The following ANKRD24 variants were observed in gnomAD, a reference collection of about 807,000 sequenced individuals.
ANKRD24 encodes the protein ankyrin repeat domain 24, also known as ankyrin repeat domain-containing protein 24.
ANKRD24 carries 109 observed loss-of-function variants against 127.8 expected under a neutral mutation model. The observed-to-expected ratio is 0.85, with a 90% CI of 0.73 to 1.00. The LOEUF (loss-of-function observed/expected upper bound fraction) is 1.00, where lower values mean the gene tolerates loss of function less well. ANKRD24 is among the 50% of genes least tolerant of loss of function. The pLI, the probability that ANKRD24 is intolerant of heterozygous loss-of-function variation, is 0.00. For synonymous variants in ANKRD24, 743 were observed against 671.1 expected, an observed-to-expected ratio of 1.11 and a Z score of -1.66; for missense variants, 1,648 against 1,570.2, an observed-to-expected ratio of 1.05 and a Z score of -0.84.
chr19:4,207,668 C>T lies in ANKRD24; in HGVS notation c.644+61C>T, dbSNP rs915550225. 4 of 1,603,448 alleles carry T rather than the reference C, an allele frequency of 2.5e-6. No homozygotes were observed. The African/African-American group carries it at 5.4e-5, about 21-fold the overall frequency. ...CTGTGTGACCTTCGGCAAGACTTAA[C>T]CTAAGTAAGACGATCTAGCCAGCCT... On this transcript the variant is annotated intron_variant, in intron 9 of 21. Transcript: ENST00000318934.
intron 7 of ANKRD24, among the ~76,000 whole-genome samples, chr19:4,206,449 C>T (rs991517729): frequency 1.5e-4 from 23 of 151,266 alleles, no homozygotes; most frequent in African/African-American, 5.3e-4. Context: ...GACCCTGTCT[C>T]TAAAAAAATA....
At chr19:4,204,597 G>A (rs1191881702) in intron 7 of ANKRD24, among the ~76,000 whole-genome samples, 8 of 152,124 alleles carry the variant, frequency 5.3e-5, no homozygotes, top group Admixed American at 2.0e-4. Flanking sequence ...CCAGAGGGAG[G>A]GAAAGGGACC....
In ANKRD24 at chr19:4,193,845, G is replaced by GAGGGAGGGAGGGAGGGAGAGAAGGA. The variant is rs573649233; in HGVS notation, c.37-5835_37-5834insGAGGGAGGGAGGGAGAGAAGGAAGG. Among the ~76,000 whole-genome samples the GAGGGAGGGAGGGAGGGAGAGAAGGA allele has an allele frequency of 7.4e-5, 3 of 40,590 alleles. 1 individual carries two copies. The Admixed American group carries it at 8.7e-4, about 12-fold the overall frequency. The allele number at this position is 40,590 out of a possible 152,430, so 26.6% of individuals were successfully genotyped here. ...GAGCGAGACTCCGTCGGGAGGGAGG[G>GAGGGAGGGAGGGAGGGAGAGAAGGA]AGGAAGGAAGGAAGGAAGGAAGGAA... On this transcript the variant is annotated intron_variant, in intron 2 of 21. Coordinates refer to ENST00000318934, the MANE Select transcript of ANKRD24 (RefSeq NM_001393985.1).
chr19:4,209,676 C>CT (rs1969595565), intron 11 of ANKRD24, among the ~76,000 whole-genome samples: 1 of 152,046 alleles, frequency 6.6e-6, no homozygotes, highest in African/African-American at 2.4e-5. Flanking sequence ...TGCTCTCGAA[C>CT]TCCTGACCTC....
rs1480792608 is a variant in ANKRD24, at chr19:4,217,515, A to T, written c.2355A>T (p.Thr785=). ...GASGGGGGDT[T]QLRAALEQAR... ...GCGGGGGCGGTGGCGGTGACACCAC[A>T]CAGCTGCGGGCGGCCCTGGAGCAGG... is the stretch of plus-strand genomic sequence containing the variant. Residue 785 remains threonine, a synonymous_variant, in exon 18 of 22, where the codon ACA becomes ACT. Coordinates refer to ENST00000318934, the MANE Select transcript of ANKRD24 (RefSeq NM_001393985.1). 7.3e-7 allele frequency: 1 copy of T among 1,377,346 alleles called. No individual in the cohort carries two copies. Among genetic ancestry groups the T allele is most frequent in the Non-Finnish European group, 9.3e-7 (1 of 1,072,148 alleles). 85.3% of individuals were successfully genotyped at this position (1,377,346 alleles called of 1,614,324 possible).
chr19:4,190,223 C>G (rs1222959043), intron 2 of ANKRD24, among the ~76,000 whole-genome samples: 1 of 151,264 alleles, frequency 6.6e-6, no homozygotes, highest in East Asian at 1.9e-4. Context: ...GTCACGAGGT[C>G]AGGAGATCGA....
Position 4,186,103 on chromosome 19 carries a change from A to G in ANKRD24, c.-36-287A>G, listed in dbSNP as rs117570947. Among the ~76,000 whole-genome samples, 199 of 152,282 alleles carry G rather than the reference A, an allele frequency of 1.3e-3. 3 individuals are homozygous for G. The East Asian group carries it at 0.025, about 20-fold the overall frequency. On this transcript the variant is annotated intron_variant, in intron 1 of 21. Transcript: ENST00000318934. ...GTGAGATGCATTTATGAAGCCCCTC[A>G]TGTTTGGCCAGGCTCTGTGTAGGGA...
chr19:4,193,866 A>AGGAT (rs1968543070), intron 2 of ANKRD24, among the ~76,000 whole-genome samples: 30 of 127,524 alleles, frequency 2.4e-4, no homozygotes, highest in African/African-American at 3.5e-4. Flanking sequence ...GAAGGAAGGA[A>AGGAT]GGAAGGAAGG....
At chr19:4,184,286 C>T (rs963824167) in intron 1 of ANKRD24, among the ~76,000 whole-genome samples, 10 of 152,132 alleles carry the variant, frequency 6.6e-5, no homozygotes, top group East Asian at 1.9e-4. Flanking sequence ...GCCGGGAGCT[C>T]GGGGCACTGG....
chr19:4,209,342 A>G (rs763240672), intron 11 of ANKRD24, among the ~76,000 whole-genome samples: 1 of 151,782 alleles, frequency 6.6e-6, no homozygotes, highest in African/African-American at 2.4e-5. Flanking sequence ...TCCTGGCCTC[A>G]AGTGACCCAC....
chr19:4,205,872 G>A (rs187448408), intron 7 of ANKRD24, among the ~76,000 whole-genome samples: 1 of 151,864 alleles, frequency 6.6e-6, no homozygotes. Flanking sequence ...GTCGGGTGCG[G>A]TGGCTCACGC....
Position 4,216,372 on chromosome 19 carries a change from A to C in ANKRD24, c.1359A>C (p.Arg453Ser). Reference sequence around the variant, plus strand: ...AGGAACAGGTGGCTGTGCTCACCAGACAGAACCAGGAACTGATGGAGAAGG... The same window carrying C: ...AGGAACAGGTGGCTGTGCTCACCAGCCAGAACCAGGAACTGATGGAGAAGG... Reference protein sequence around the residue: ...SLQEQVAVLTRQNQELMEKVQ... With the variant: ...SLQEQVAVLTSQNQELMEKVQ... The change falls in exon 17 of 22, where the codon AGA (arginine) becomes AGC (serine). Residue 453 changes from arginine to serine, a missense_variant. By Grantham distance (110) the Arg-to-Ser change is moderately radical. Transcript: ENST00000318934. The C allele has an allele frequency of 6.4e-7, 1 of 1,573,640 alleles. No homozygotes were observed. The highest frequency in any genetic ancestry group is 8.6e-7 in the Non-Finnish European group (1 of 1,159,736).
chr19:4,203,637 C>CCGTGCTGGCCCTT (rs1969219837), intron 7 of ANKRD24, among the ~76,000 whole-genome samples: 1 of 152,086 alleles, frequency 6.6e-6, no homozygotes, highest in Non-Finnish European at 1.5e-5. Flanking sequence ...GCGTGAGCCA[C>CCGTGCTGGCCCTT]CTCACCTAGC....
chr19:4,189,321 C>G, intron 2 of ANKRD24, among the ~76,000 whole-genome samples: 1 of 138,990 alleles, frequency 7.2e-6, no homozygotes, highest in Non-Finnish European at 1.5e-5. Context: ...TCTTGGCTCA[C>G]TGCAAGCTCC....
In ANKRD24 at chr19:4,210,363, G is replaced by T; in HGVS notation, c.1050G>T (p.Arg350Ser). The T allele has an allele frequency of 6.4e-7, 1 of 1,559,272 alleles. No individual in the cohort carries two copies. The highest frequency in any genetic ancestry group is 1.2e-5 in the South Asian group (1 of 84,334). The change falls in exon 13 of 22, where the codon AGG becomes AGT. Residue 350 changes from arginine to serine, a missense_variant. Arg to Ser is a moderately radical substitution (Grantham distance 110). Coordinates refer to ENST00000318934, the MANE Select transcript of ANKRD24 (RefSeq NM_001393985.1). The part of the protein sequence containing the change: ...IRGLEQHKER[R>S]QQESPEASSL... ...GCCTGGAACAGCACAAGGAACGGAG[G>T]CAGCAGGAGGTTAGGAGGCCTCGGA...
rs1306745594 is a variant in ANKRD24 at position 4,217,543 on chromosome 19, C to T, written c.2383C>T (p.Arg795Trp). 2 of 1,326,324 alleles carry T rather than the reference C, an allele frequency of 1.5e-6. No homozygotes were observed. Among genetic ancestry groups the T allele is most frequent in the Non-Finnish European group, 1.9e-6 (2 of 1,042,908 alleles). The allele number at this position is 1,326,324 out of a possible 1,614,324, so 82.2% of individuals were successfully genotyped here. A position where few individuals can be genotyped will look rare whatever the true frequency, so the allele number is the denominator to read the frequency against. ...GCTGCGGGCGGCCCTGGAGCAGGCC[C>T]GGGAGGACCTCCGAGACCGGGACTC... ...TQLRAALEQA[R>W]EDLRDRDSRL... Residue 795 changes from arginine to tryptophan, a missense_variant, in exon 18 of 22, where the codon CGG (arginine) becomes TGG (tryptophan). Arg to Trp is a moderately radical substitution (Grantham distance 101). Transcript: ENST00000318934.
Position 4,224,560 on chromosome 19 carries a change from C to T in ANKRD24, c.*55C>T. On this transcript the variant is annotated 3_prime_UTR_variant, in exon 22 of 22. Coordinates refer to ENST00000318934, the MANE Select transcript of ANKRD24 (RefSeq NM_001393985.1). ...CACACCCACGCAGGGACCTCACCCC[C>T]CTGCAGGCCCCTTGCAGACCGGCTT... 6 of 1,501,688 alleles carry T rather than the reference C, an allele frequency of 4.0e-6. No homozygotes were observed. The highest frequency in any genetic ancestry group is 5.5e-6 in the Non-Finnish European group (6 of 1,099,084). The allele number at this position is 1,501,688 out of a possible 1,614,324, so 93.0% of individuals were successfully genotyped here.
At position 4,217,339 on chromosome 19, in the gene ANKRD24, A is replaced by G. The variant is rs1970160914; in HGVS notation, c.2179A>G (p.Thr727Ala). 1 of 1,551,570 alleles carries G rather than the reference A, an allele frequency of 6.4e-7. No individual in the cohort carries two copies. Among genetic ancestry groups the G allele is most frequent in the African/African-American group, 1.4e-5 (1 of 73,176 alleles). The change falls in exon 18 of 22, where the codon ACC becomes GCC. Residue 727 changes from threonine to alanine, a missense_variant. Transcript: ENST00000318934. ...ASEKLQVELE[T>A]RIRGLEEALR... ...GGAAAAGCTTCAAGTAGAGCTGGAGACCAGGATCCGTGGCTTGGAGGAGGC... is the reference window on the plus strand; with the variant it reads ...GGAAAAGCTTCAAGTAGAGCTGGAGGCCAGGATCCGTGGCTTGGAGGAGGC...
chr19:4,210,014 C>G (rs747039705), intron 11 of ANKRD24, 44 bp from the exon 12 acceptor site: 1 of 1,183,340 alleles, frequency 8.5e-7, no homozygotes, highest in South Asian at 1.3e-5. Context: ...GCTGGCATGG[C>G]CCCCCGATCG....
Sources: allele counts gnomAD v4.1 joint callset (sites outside exome capture counted in the v4.1 genomes callset), GRCh38; gene constraint gnomAD v4.1.1; transcripts MANE v1.5; gene names NCBI Gene and HGNC (gene_info 2026-07-23, HGNC 2026-07-21).